ZNF333: variants seen among roughly 807,000 people sequenced by gnomAD.
The protein encoded by ZNF333 is zinc finger protein 333.
In ZNF333, 61 loss-of-function variants were observed where a neutral mutation model predicts 76.1. That is an observed-to-expected ratio of 0.80 (90% confidence interval 0.65 to 0.99). ZNF333 has a LOEUF of 0.99. ZNF333 is among the 50% of genes least tolerant of loss of function. The probability of loss-of-function intolerance (pLI) is 0.00; values close to 1 mark genes in which losing one functional copy is unlikely to be tolerated. For synonymous variants in ZNF333, 284 were observed against 305.0 expected (o/e 0.93, Z 0.72); for missense variants, 717 against 822.4 (o/e 0.87, Z 1.57).
In ZNF333 at chr19:14,716,137, C is replaced by T. The variant is rs1294710990; in HGVS notation, c.626C>T (p.Ala209Val). ...SQEPVTFADV[A>V]VVFTPEEWVF... The stretch of plus-strand genomic sequence containing the variant: ...GAACCAGTCACCTTTGCAGATGTGG[C>T]TGTGGTGTTCACCCCAGAAGAATGG... Residue 209 changes from alanine to valine, a missense_variant, in exon 9 of 12, where the codon GCT (alanine) becomes GTT (valine). Transcript: ENST00000292530. 1.9e-6 allele frequency: 3 copies of T among 1,614,146 alleles called. No homozygotes were observed. The highest frequency in any genetic ancestry group is 4.5e-5 in the East Asian group (2 of 44,882).
chr19:14,706,264 A>G (rs748734690), intron 6 of ZNF333: 2 of 440,506 alleles, frequency 4.5e-6, no homozygotes, highest in South Asian at 3.2e-5. Flanking sequence ...AGCTGCCAGC[A>G]GAGAAGAGAC....
chr19:14,706,801 GC>G, intron 7 of ZNF333, 28 bp downstream of exon 7: 1 of 1,593,330 alleles, frequency 6.3e-7, no homozygotes, highest in Non-Finnish European at 8.6e-7. Flanking sequence ...GGAACACGTG[GC>G]CAGAGGGCCC....
rs1365242048 is a variant in ZNF333 at position 14,695,588 on chromosome 19, T to G, written c.150T>G (p.Ser50Arg). Residue 50 changes from serine (S) to arginine (R), a missense_variant, in exon 4 of 12, where the codon AGT becomes AGG. Coordinates refer to ENST00000292530, the MANE Select transcript of ZNF333 (RefSeq NM_032433.4). Reference sequence around the variant, plus strand: ...CAGGAACTCCACCATGCAAACCCAGTTGTGTCTCCCAGCTGGGGCAAAGAG... The same window carrying G: ...CAGGAACTCCACCATGCAAACCCAGGTGTGTCTCCCAGCTGGGGCAAAGAG... ...ASRGTPPCKP[S>R]CVSQLGQRAE... The G allele has an allele frequency of 6.2e-7, 1 of 1,614,094 alleles. No individual in the cohort carries two copies. Among genetic ancestry groups the G allele is most frequent in the Middle Eastern group, 1.6e-4 (1 of 6,062 alleles).
intron 5 of ZNF333, 26 bp from the exon 6 acceptor site, chr19:14,705,028 C>G: frequency 6.2e-7 from 1 of 1,607,432 alleles, no homozygotes; most frequent in African/African-American, 1.3e-5. Context: ...CTCTGTCCTG[C>G]TCAGCACCCT....
At chr19:14,731,161 A>T in intron 11 of ZNF333, 1 of 1,531,346 alleles carries the variant, frequency 6.5e-7, no homozygotes. Flanking sequence ...TCCTCCTTAT[A>T]ATTCCCTTTT....
At chr19:14,726,057 G>A (rs905347280), downstream of ZNF333, among the ~76,000 whole-genome samples, 1 of 152,160 alleles carries the variant, frequency 6.6e-6, no homozygotes. Context: ...TGAAATCTAG[G>A]TGGAAGCCAC....
intron 3 of ZNF333, 26 bp from the exon 4 acceptor site, chr19:14,695,540 G>A (rs1973116241): frequency 6.2e-7 from 1 of 1,609,428 alleles, no homozygotes. Context: ...CTCTCTCTCA[G>A]TGCCTGTGTC....
intron 6 of ZNF333, chr19:14,706,122 GCCCA>G (rs1324495587): frequency 2.2e-6 from 1 of 457,472 alleles, no homozygotes; most frequent in Middle Eastern, 3.2e-4. Flanking sequence ...CTGCCATCCT[GCCCA>G]GAGCCACCGT....
intron 5 of ZNF333, chr19:14,701,732 A>G: frequency 1.0e-6 from 1 of 985,396 alleles, no homozygotes; most frequent in Non-Finnish European, 1.2e-6. Context: ...GCCCCTCCAT[A>G]ATGGGTGCTG....
chr19:14,728,523 C>T (rs2042647946), intron 11 of ZNF333, among the ~76,000 whole-genome samples: 1 of 152,136 alleles, frequency 6.6e-6, no homozygotes, highest in South Asian at 2.1e-4. Flanking sequence ...TGAAGAATTT[C>T]TTGAAGCACA....
At position 14,718,341 on chromosome 19, in the gene ZNF333, T is replaced by G. The variant is rs1191167683; in HGVS notation, c.1014T>G (p.Cys338Trp). ...YQRIHAGEASCECQEIRNSFF... is the reference protein window; with the variant it reads ...YQRIHAGEASWECQEIRNSFF... ...GAATTCATGCTGGAGAGGCATCCTG[T>G]GAATGTCAAGAGATTAGAAATTCCT... The change falls in exon 12 of 12, where the codon TGT becomes TGG. Residue 338 changes from cysteine to tryptophan, a missense_variant. Transcript: ENST00000292530. 8 of 1,614,220 alleles carry G rather than the reference T, an allele frequency of 5.0e-6. No individual in the cohort carries two copies. The highest frequency in any genetic ancestry group is 5.9e-6 in the Non-Finnish European group (7 of 1,180,038).
intron 5 of ZNF333, chr19:14,701,639 G>C (rs1335669566): frequency 1.0e-6 from 1 of 985,318 alleles, no homozygotes; most frequent in East Asian, 1.1e-4. Flanking sequence ...CGAGGGCCCG[G>C]TGCCCTCTTT....
chr19:14,721,042 AAT>A lies in ZNF333; in HGVS notation c.*1719_*1720del. On this transcript the variant is annotated 3_prime_UTR_variant, in exon 12 of 12. Coordinates refer to ENST00000292530, the MANE Select transcript of ZNF333 (RefSeq NM_032433.4). ...TCAACCATTCATTGTAATGATAGTA[AAT>A]ACTTATTTAGAGTTTACTATTAATA... The A allele has an allele frequency of 1.2e-6, 1 of 837,360 alleles. No individual in the cohort carries two copies. The highest frequency in any genetic ancestry group is 1.4e-6 in the Non-Finnish European group (1 of 695,316). The allele number at this position is 837,360 out of a possible 1,614,324, so 51.9% of individuals were successfully genotyped here.
At chr19:14,706,904 A>G (rs2042127481) in intron 7 of ZNF333, 131 bp downstream of exon 7, 3 of 670,002 alleles carry the variant, frequency 4.5e-6, no homozygotes, top group Non-Finnish European at 7.4e-6. Context: ...TAGAGAGGAT[A>G]CAGAAGGCCT....
rs1973091299 is a variant in ZNF333, at chr19:14,695,225, C to T, written c.127+92C>T. The T allele has an allele frequency of 2.9e-5, 43 of 1,486,682 alleles. 1 individual carries two copies. In the South Asian group the frequency reaches 5.3e-4, roughly 18 times the overall value. 92.1% of individuals were successfully genotyped at this position (1,486,682 alleles called of 1,614,324 possible). A position where few individuals can be genotyped will look rare whatever the true frequency, so the allele number is the denominator to read the frequency against. On this transcript the variant is annotated intron_variant, in intron 3 of 11. Transcript: ENST00000292530. Reference sequence around the variant, plus strand: ...GTGAAGAAGACAGACGTGGCTTAGGCTTTGTGGCACTTAGCGTCCACAGGA... The same window carrying T: ...GTGAAGAAGACAGACGTGGCTTAGGTTTTGTGGCACTTAGCGTCCACAGGA...
chr19:14,710,119 T>TGAA (rs140593016), intron 7 of ZNF333, among the ~76,000 whole-genome samples: 2,263 of 152,240 alleles, frequency 0.015, 51 homozygotes, highest in East Asian at 0.092. Flanking sequence ...GTGAGCTGAC[T>TGAA]GAAGAAGAAG....
At chr19:14,706,362 A>G (rs1485592333) in intron 6 of ZNF333, 1 of 397,224 alleles carries the variant, frequency 2.5e-6, no homozygotes, top group Non-Finnish European at 4.8e-6. Context: ...TCCAAACTCC[A>G]TCTTCCCTCC....
intron 7 of ZNF333, among the ~76,000 whole-genome samples, chr19:14,710,204 A>G (rs1429157333): frequency 1.3e-5 from 2 of 152,216 alleles, no homozygotes; most frequent in Non-Finnish European, 2.9e-5. Flanking sequence ...GCTGGGAGCC[A>G]GTGACGTGTT....
intron 11 of ZNF333, among the ~76,000 whole-genome samples, chr19:14,727,308 G>A (rs2957327): frequency 0.96 from 146,190 of 152,222 alleles, 70,205 homozygotes; most frequent in Middle Eastern, 1. Context: ...GATTACAGGT[G>A]TGAGCCACCA....
Sources: gnomAD v4.1 joint callset for allele counts (sites outside exome capture counted in the v4.1 genomes callset) on GRCh38, gnomAD v4.1.1 for gene constraint, MANE v1.5 for transcripts, NCBI Gene and HGNC (gene_info 2026-07-23, HGNC 2026-07-21) for gene names.